GABPA: variants seen among roughly 807,000 people sequenced by gnomAD.
GABPA encodes the protein GA-binding protein alpha chain.
Under a neutral mutation model 59.4 loss-of-function variants are expected in GABPA, and 4 were observed. The ratio of observed to expected loss-of-function variants is 0.07; its 90% CI spans 0.03 to 0.15. The LOEUF (loss-of-function observed/expected upper bound fraction) is 0.15, where lower values mean the gene tolerates loss of function less well. Ranked by LOEUF, GABPA falls within the 10% of genes least tolerant of loss-of-function variation. GABPA has a pLI of 1.00. For missense variants in GABPA, 251 were observed against 543.8 expected (o/e 0.46, Z 5.36); for synonymous variants, 164 against 183.1 (o/e 0.90, Z 0.84).
rs1200475497 is a variant in GABPA, at chr21:25,764,704, T to C, written c.1053T>C (p.Asn351=). The part of the protein sequence containing the change: ...WVGDEGEFKL[N]QPELVAQKWG... ...GTGATGAAGGTGAATTTAAGCTAAATCAGCCTGAACTGGTTGCACAGAAAT... is the reference window on the plus strand; with the variant it reads ...GTGATGAAGGTGAATTTAAGCTAAACCAGCCTGAACTGGTTGCACAGAAAT... The change falls in exon 9 of 10, where the codon AAT becomes AAC. Residue 351 remains asparagine (N), a synonymous_variant. Transcript: ENST00000400075. The C allele has an allele frequency of 2.5e-6, 4 of 1,612,654 alleles. No individual in the cohort carries two copies. The highest frequency in any genetic ancestry group is 3.4e-6 in the Non-Finnish European group (4 of 1,179,130).
Position 25,771,003 on chromosome 21 carries a change from AG to A in GABPA, c.*1772del, listed in dbSNP as rs2146112300. ...GGCACTGTGGTTTTAAGAATATCTG[AG>A]TAAAATAACAATATGAAATAATAAA... On this transcript the variant is annotated 3_prime_UTR_variant, in exon 10 of 10. Transcript: ENST00000400075. The A allele has an allele frequency of 6.6e-6, 1 of 152,200 alleles. No individual in the cohort carries two copies. Among genetic ancestry groups the A allele is most frequent in the Admixed American group, 6.5e-5 (1 of 15,290 alleles). The allele number at this position is 152,200 out of a possible 1,614,324, so 9.4% of individuals were successfully genotyped here.
chr21:25,765,289 A>G (rs1024968493), intron 9 of GABPA, among the ~76,000 whole-genome samples: 4 of 152,074 alleles, frequency 2.6e-5, no homozygotes, highest in African/African-American at 9.7e-5. Flanking sequence ...TTCAACAGGT[A>G]CATTTAAGTA....
At chr21:25,767,955 C>T (rs1207078862) in intron 9 of GABPA, among the ~76,000 whole-genome samples, 4 of 152,086 alleles carry the variant, frequency 2.6e-5, no homozygotes, top group Non-Finnish European at 5.9e-5. Context: ...TAGTTTATAT[C>T]TGGTACTTTT....
intron 1 of GABPA, among the ~76,000 whole-genome samples, chr21:25,740,719 T>A (rs1302929450): frequency 6.6e-6 from 1 of 152,280 alleles, no homozygotes; most frequent in Non-Finnish European, 1.5e-5. Context: ...AAAAATTTTC[T>A]ACTGTGTGTA....
Position 25,771,922 on chromosome 21 carries a change from C to A in GABPA, c.*2690C>A, listed in dbSNP as rs2036017182. The A allele has an allele frequency of 6.6e-6, 1 of 152,010 alleles. No homozygotes were observed. The highest frequency in any genetic ancestry group is 1.5e-5 in the Non-Finnish European group (1 of 67,892). 9.4% of individuals were successfully genotyped at this position (152,010 alleles called of 1,614,324 possible). A position where few individuals can be genotyped will look rare whatever the true frequency, so the allele number is the denominator to read the frequency against. ...TTGATCTTCAGATAAATTGACTGAT[C>A]ACAGTTATTTTTGTATCAGTCTATG... On this transcript the variant is annotated 3_prime_UTR_variant, in exon 10 of 10. Coordinates refer to ENST00000400075, the MANE Select transcript of GABPA (RefSeq NM_002040.4).
At chr21:25,755,688 T>TC (rs2035619799) in intron 5 of GABPA, among the ~76,000 whole-genome samples, 1 of 152,152 alleles carries the variant, frequency 6.6e-6, no homozygotes, top group Non-Finnish European at 1.5e-5. Context: ...TTCGTGTCTC[T>TC]CCCCATCTAT....
In GABPA at chr21:25,735,058, G is replaced by A; in HGVS notation, c.-547G>A. On this transcript the variant is annotated 5_prime_UTR_variant, in exon 1 of 10. Coordinates refer to ENST00000400075, the MANE Select transcript of GABPA (RefSeq NM_002040.4). ...AGGTGAGACAGAAGCCAAACAGGAG[G>A]AGGAAGTGGAGGGTAAGTGCTTCCG... The A allele has an allele frequency of 2.5e-6, 3 of 1,199,048 alleles. No homozygotes were observed. The highest frequency in any genetic ancestry group is 1.3e-5 in the South Asian group (1 of 77,314). 74.3% of individuals were successfully genotyped at this position (1,199,048 alleles called of 1,614,324 possible).
At position 25,748,793 on chromosome 21, in the gene GABPA, T is replaced by A. The variant is rs905932952; in HGVS notation, c.223-243T>A. The stretch of plus-strand genomic sequence containing the variant: ...AAAATCCCAAACTAGACTCCAGAGG[T>A]AGAGAAAACTGACATGACAAATTTG... On this transcript the variant is annotated intron_variant, in intron 3 of 9. Coordinates refer to ENST00000400075, the MANE Select transcript of GABPA (RefSeq NM_002040.4). Among the ~76,000 whole-genome samples the A allele has an allele frequency of 2.0e-5, 3 of 152,190 alleles. No individual in the cohort carries two copies. The South Asian group carries it at 6.2e-4, about 31-fold the overall frequency.
intron 5 of GABPA, 91 bp downstream of exon 5, chr21:25,752,325 TG>T: frequency 1.6e-6 from 2 of 1,264,048 alleles, no homozygotes; most frequent in Non-Finnish European, 2.2e-6. Flanking sequence ...CTATTTTACA[TG>T]TAGAGTTATT....
intron 1 of GABPA, among the ~76,000 whole-genome samples, chr21:25,738,801 C>T (rs1460934908): frequency 6.6e-6 from 1 of 152,102 alleles, no homozygotes; most frequent in Non-Finnish European, 1.5e-5. Flanking sequence ...AAGGTAGATC[C>T]CTACTCGGTT....
chr21:25,737,485 A>G (rs929349652), intron 1 of GABPA, among the ~76,000 whole-genome samples: 4 of 152,062 alleles, frequency 2.6e-5, no homozygotes, highest in Non-Finnish European at 5.9e-5. Context: ...TTTTTTCTCC[A>G]AAAGGGCATG....
rs113359903 is a variant in GABPA at position 25,735,258 on chromosome 21, C to T, written c.-347C>T. ...AGGGTTATCGAAGTGTATAAAGGTG[C>T]AGGGAAAGTGAGACTGTGTAAAACA... On this transcript the variant is annotated 5_prime_UTR_variant, in exon 1 of 10. Coordinates refer to ENST00000400075, the MANE Select transcript of GABPA (RefSeq NM_002040.4). The T allele has an allele frequency of 6.4e-5, 33 of 514,996 alleles. No homozygotes were observed. The highest frequency in any genetic ancestry group is 5.8e-4 in the African/African-American group (30 of 52,148). The allele number at this position is 514,996 out of a possible 1,614,324, so 31.9% of individuals were successfully genotyped here.
At chr21:25,745,095 G>T in intron 2 of GABPA, 115 bp from the exon 3 acceptor site, 1 of 1,112,034 alleles carries the variant, frequency 9.0e-7, no homozygotes, top group South Asian at 1.4e-5. Context: ...ATGTAGAAAT[G>T]ACTTTTCAAA....
chr21:25,766,841 TA>T (rs2035901770), intron 9 of GABPA, among the ~76,000 whole-genome samples: 1 of 151,964 alleles, frequency 6.6e-6, no homozygotes, highest in Non-Finnish European at 1.5e-5. Context: ...CATAGCAGAT[TA>T]TTTATAACAT....
chr21:25,765,735 G>A (rs192763427), intron 9 of GABPA, among the ~76,000 whole-genome samples: 5 of 151,720 alleles, frequency 3.3e-5, no homozygotes, highest in Admixed American at 2.0e-4. Flanking sequence ...AAGATTCTTC[G>A]TTTATAATCA....
At position 25,759,077 on chromosome 21, in the gene GABPA, AAGAG is replaced by A. The variant is rs370980448; in HGVS notation, c.748+881_748+884del. On this transcript the variant is annotated intron_variant, in intron 6 of 9. Coordinates refer to ENST00000400075, the MANE Select transcript of GABPA (RefSeq NM_002040.4). ...GAGCAAGAGTCTCAATTGGAAAAAA[AAGAG>A]AGAGAGAAGTTTGGAAACTACTTGG... 8.7e-3 allele frequency among the ~76,000 whole-genome samples: 1,321 copies of A among 152,184 alleles called. 19 individuals are homozygous for A. Among genetic ancestry groups the A allele is most frequent in the African/African-American group, 0.03 (1,261 of 41,464 alleles).
intron 2 of GABPA, among the ~76,000 whole-genome samples, chr21:25,744,687 A>G (rs1352138604): frequency 6.7e-6 from 1 of 150,366 alleles, no homozygotes; most frequent in Non-Finnish European, 1.5e-5. Flanking sequence ...AAGAATATAC[A>G]TTTTTTTTTT....
intron 5 of GABPA, among the ~76,000 whole-genome samples, chr21:25,756,392 C>T (rs968989015): frequency 1.3e-5 from 2 of 152,134 alleles, no homozygotes; most frequent in African/African-American, 4.8e-5. Context: ...TGGCGTCCCT[C>T]TGCTGCTCAC....
At chr21:25,766,297 A>C (rs1458201193) in intron 9 of GABPA, among the ~76,000 whole-genome samples, 1 of 152,040 alleles carries the variant, frequency 6.6e-6, no homozygotes, top group African/African-American at 2.4e-5. Context: ...GTAGCTCTAC[A>C]TGTAAAAAGT....
Sources: allele counts gnomAD v4.1 joint callset (sites outside exome capture counted in the v4.1 genomes callset), GRCh38; gene constraint gnomAD v4.1.1; transcripts MANE v1.5; gene names NCBI Gene and HGNC (gene_info 2026-07-23, HGNC 2026-07-21).